LIPC: variants seen among roughly 807,000 people sequenced by gnomAD.
LIPC encodes the protein lipase C, hepatic type.
In LIPC, 44 loss-of-function variants were observed where a neutral mutation model predicts 50.7. The ratio of observed to expected loss-of-function variants is 0.87; its 90% CI spans 0.68 to 1.11. The LOEUF (loss-of-function observed/expected upper bound fraction) is 1.11, where lower values mean the gene tolerates loss of function less well. Ranked by LOEUF, LIPC falls within the 50% of genes most tolerant of loss-of-function variation. The pLI is 0.00. For missense variants in LIPC, 697 were observed against 648.2 expected, an observed-to-expected ratio of 1.08 and a Z score of -0.82; for synonymous variants, 271 against 256.4, an observed-to-expected ratio of 1.06 and a Z score of -0.54.
At chr15:58,465,188 A>T (rs12594001) in intron 1 of LIPC, among the ~76,000 whole-genome samples, 3 of 152,124 alleles carry the variant, frequency 2.0e-5, no homozygotes, top group African/African-American at 7.2e-5. Context: ...TGCACCCTAC[A>T]TCTGTCCATG....
intron 1 of LIPC, among the ~76,000 whole-genome samples, chr15:58,516,390 T>C (rs1892491318): frequency 6.6e-6 from 1 of 152,086 alleles, no homozygotes; most frequent in Admixed American, 6.6e-5. Context: ...GTAGATATTT[T>C]TCCACCATTA....
At chr15:58,504,799 C>G (rs552381187) in intron 1 of LIPC, among the ~76,000 whole-genome samples, 188 of 152,326 alleles carry the variant, frequency 1.2e-3, no homozygotes, top group African/African-American at 4.4e-3. Context: ...TAGCAGATCT[C>G]TAAGCACGAC....
chr15:58,555,693 T>G (rs1351740182), intron 6 of LIPC, among the ~76,000 whole-genome samples: 3 of 152,024 alleles, frequency 2.0e-5, no homozygotes, highest in African/African-American at 7.3e-5. Context: ...TACAACAGGG[T>G]GGGCAGTGTT....
chr15:58,496,743 C>CAAAAAAGAAAAAAAAAAAAA (rs1891778489), intron 1 of LIPC, among the ~76,000 whole-genome samples: 1 of 114,180 alleles, frequency 8.8e-6, no homozygotes, highest in African/African-American at 3.4e-5. Context: ...TCTTCCCCCT[C>CAAAAAAGAAAAAAAAAAAAA]AAAAAAAAAA....
At position 58,517,154 on chromosome 15, in the gene LIPC, A is replaced by G. The variant is rs114705395; in HGVS notation, c.89-21179A>G. 3.9e-3 allele frequency among the ~76,000 whole-genome samples: 601 copies of G among 152,346 alleles called. 5 individuals are homozygous for G. Among genetic ancestry groups the G allele is most frequent in the African/African-American group, 0.014 (571 of 41,570 alleles). On this transcript the variant is annotated intron_variant, in intron 1 of 8. Transcript: ENST00000299022. The stretch of plus-strand genomic sequence containing the variant: ...CTATTCCTTACTAAGTCTCCCTTCA[A>G]CAATTGTGTTTGAGTAGAACTGTTA...
chr15:58,510,465 A>G (rs1218049616), intron 1 of LIPC, among the ~76,000 whole-genome samples: 2 of 152,252 alleles, frequency 1.3e-5, no homozygotes, highest in African/African-American at 4.8e-5. Flanking sequence ...TTTGATATTC[A>G]TCATTAGAGT....
At chr15:58,543,066 G>A (rs996875871) in intron 4 of LIPC, among the ~76,000 whole-genome samples, 12 of 152,166 alleles carry the variant, frequency 7.9e-5, no homozygotes, top group African/African-American at 1.2e-4. Flanking sequence ...TTTGTGAAAC[G>A]TGTATGTTTT....
chr15:58,509,807 G>A (rs1892276527), intron 1 of LIPC, among the ~76,000 whole-genome samples: 1 of 151,982 alleles, frequency 6.6e-6, no homozygotes, highest in Admixed American at 6.6e-5. Flanking sequence ...ACAGACAAGT[G>A]TTATACAAAA....
intron 6 of LIPC, among the ~76,000 whole-genome samples, chr15:58,560,434 G>A (rs2140950393): frequency 6.6e-6 from 1 of 152,296 alleles, no homozygotes; most frequent in South Asian, 2.1e-4. Context: ...CACCCCATCA[G>A]AGAGCAGCAA....
intron 1 of LIPC, among the ~76,000 whole-genome samples, chr15:58,519,619 T>C (rs1221513234): frequency 6.6e-6 from 1 of 152,212 alleles, no homozygotes; most frequent in Non-Finnish European, 1.5e-5. Context: ...CCTTCCAGGT[T>C]CTCTCTGCCT....
intron 1 of LIPC, chr15:58,454,771 G>C (rs1894048077): frequency 6.6e-6 from 1 of 152,264 alleles, no homozygotes; most frequent in Non-Finnish European, 1.5e-5. Context: ...GGTTTGGTGA[G>C]ATGTGTCGCC....
intron 8 of LIPC, chr15:58,565,049 C>T: frequency 5.7e-6 from 4 of 707,488 alleles, no homozygotes; most frequent in Non-Finnish European, 9.5e-6. Flanking sequence ...CTGGGTTTCA[C>T]TGCCAGATGC....
At chr15:58,562,212 C>T (rs138412561) in intron 7 of LIPC, among the ~76,000 whole-genome samples, 1 of 152,322 alleles carries the variant, frequency 6.6e-6, no homozygotes, top group Non-Finnish European at 1.5e-5. Context: ...CAAGCCCGAA[C>T]CCTCACGTCC....
chr15:58,456,464 A>G (rs1428914420), intron 1 of LIPC: 1 of 152,272 alleles, frequency 6.6e-6, no homozygotes, highest in South Asian at 2.1e-4. Flanking sequence ...ATGAAGGGCA[A>G]AAAGCACTGA....
At chr15:58,534,956 A>G (rs1461537989) in intron 1 of LIPC, among the ~76,000 whole-genome samples, 1 of 152,128 alleles carries the variant, frequency 6.6e-6, no homozygotes, top group Non-Finnish European at 1.5e-5. Flanking sequence ...TACCTCTTGA[A>G]GTTACACAAA....
At chr15:58,460,304 T>A (rs1894295546) in intron 1 of LIPC, among the ~76,000 whole-genome samples, 4 of 152,180 alleles carry the variant, frequency 2.6e-5, no homozygotes, top group Non-Finnish European at 5.9e-5. Context: ...CTTTGAGGAA[T>A]TCAGGAAGTG....
At chr15:58,454,120 G>T (rs147103708) in intron 1 of LIPC, among the ~76,000 whole-genome samples, 291 of 152,236 alleles carry the variant, frequency 1.9e-3, no homozygotes, top group African/African-American at 6.7e-3. Context: ...CCAGCCCAGT[G>T]ACTCCTGAGC....
chr15:58,469,102 T>TTGTGTGGG (rs1555399014), intron 1 of LIPC, among the ~76,000 whole-genome samples: 1 of 140,624 alleles, frequency 7.1e-6, no homozygotes, highest in African/African-American at 2.7e-5. Context: ...AGGGAACATT[T>TTGTGTGGG]TGTGTGTGTG....
At chr15:58,563,307 T>C (rs1428358645) in intron 7 of LIPC, among the ~76,000 whole-genome samples, 198 bp from the exon 8 acceptor site, 2 of 152,220 alleles carry the variant, frequency 1.3e-5, no homozygotes, top group Non-Finnish European at 2.9e-5. Context: ...GTTTTCGCAA[T>C]TTTATTATCT....
Sources: allele counts gnomAD v4.1 joint callset (sites outside exome capture counted in the v4.1 genomes callset), GRCh38; gene constraint gnomAD v4.1.1; transcripts MANE v1.5; gene names NCBI Gene and HGNC (gene_info 2026-07-23, HGNC 2026-07-21).